The following FYN variants were observed in gnomAD, a reference collection of about 807,000 sequenced individuals.
FYN encodes FYN proto-oncogene, Src family tyrosine kinase, also known as tyrosine-protein kinase Fyn.
A neutral mutation model predicts 70.2 loss-of-function variants in FYN; 10 were observed. The observed-to-expected ratio is 0.14, with a 90% CI of 0.09 to 0.24. The LOEUF is 0.24. Ranked by LOEUF, FYN falls within the 10% of genes least tolerant of loss-of-function variation. The probability of loss-of-function intolerance (pLI) is 1.00; values close to 1 mark genes in which losing one functional copy is unlikely to be tolerated. For missense variants in FYN, 319 were observed against 673.1 expected (o/e 0.47, Z 5.82); for synonymous variants, 236 against 248.6 (o/e 0.95, Z 0.48).
At chr6:111,845,434 T>C (rs940215288) in intron 2 of FYN, among the ~76,000 whole-genome samples, 1 of 152,214 alleles carries the variant, frequency 6.6e-6, no homozygotes. Context: ...CTGGTTTGTA[T>C]GAGCTGAAAA....
At chr6:111,690,589 ACT>A (rs1199182514) in intron 12 of FYN, among the ~76,000 whole-genome samples, 1 of 152,154 alleles carries the variant, frequency 6.6e-6, no homozygotes, top group Non-Finnish European at 1.5e-5. Context: ...CAATCCATTC[ACT>A]CATTTGTTTA....
chr6:111,797,368 G>T (rs1771838392), intron 2 of FYN, among the ~76,000 whole-genome samples: 1 of 151,720 alleles, frequency 6.6e-6, no homozygotes, highest in Non-Finnish European at 1.5e-5. Flanking sequence ...AGGTTTTTTT[G>T]CTTTTAATTT....
At chr6:111,700,982 T>TAA (rs554639957) in intron 8 of FYN, among the ~76,000 whole-genome samples, 2 of 141,836 alleles carry the variant, frequency 1.4e-5, no homozygotes, top group Admixed American at 7.1e-5. Context: ...TATTTTCCAT[T>TAA]AAAAAAAAAA....
intron 2 of FYN, among the ~76,000 whole-genome samples, chr6:111,817,602 AC>A (rs1218752951): frequency 2.6e-5 from 4 of 152,202 alleles, no homozygotes; most frequent in South Asian, 4.1e-4. Context: ...TTTCTGGCAA[AC>A]CCTCATGGCC....
At chr6:111,781,781 TCAAA>T (rs914484083) in intron 2 of FYN, among the ~76,000 whole-genome samples, 5 of 152,046 alleles carry the variant, frequency 3.3e-5, no homozygotes, top group Non-Finnish European at 7.4e-5. Context: ...TGCACAGGAG[TCAAA>T]CAGAGTATAC....
intron 2 of FYN, among the ~76,000 whole-genome samples, chr6:111,832,612 TAATTAATATATAA>T (rs1444730814): frequency 6.6e-6 from 1 of 152,148 alleles, no homozygotes; most frequent in South Asian, 2.1e-4. Context: ...ATCATCATTT[TAATTAATATATAA>T]TATTCAATTT....
At chr6:111,690,670 G>C (rs1252363692) in intron 12 of FYN, among the ~76,000 whole-genome samples, 1 of 152,140 alleles carries the variant, frequency 6.6e-6, no homozygotes, top group Non-Finnish European at 1.5e-5. Context: ...CTATGTGCTG[G>C]GTACCCTGTT....
chr6:111,797,431 C>T (rs756630893), intron 2 of FYN, among the ~76,000 whole-genome samples: 50 of 151,702 alleles, frequency 3.3e-4, no homozygotes, highest in Non-Finnish European at 6.6e-4. Flanking sequence ...GTAATCCTTT[C>T]ATGAAGAAAT....
chr6:111,801,597 T>C (rs1771987753), intron 2 of FYN, among the ~76,000 whole-genome samples: 1 of 152,182 alleles, frequency 6.6e-6, no homozygotes, highest in Admixed American at 6.5e-5. Flanking sequence ...CGTCGTTCAC[T>C]CTCAATTCTC....
At chr6:111,735,523 A>G (rs1801670850) in intron 3 of FYN, among the ~76,000 whole-genome samples, 1 of 152,244 alleles carries the variant, frequency 6.6e-6, no homozygotes, top group African/African-American at 2.4e-5. Flanking sequence ...TTTAACCCAG[A>G]TCTGGCTAAA....
chr6:111,698,898 C>T (rs892162531), intron 9 of FYN, among the ~76,000 whole-genome samples: 10 of 152,142 alleles, frequency 6.6e-5, no homozygotes, highest in Non-Finnish European at 2.9e-5. Context: ...TTCTGGCCAA[C>T]ATGGTGAAAC....
chr6:111,831,519 T>C (rs1334737877), intron 2 of FYN, among the ~76,000 whole-genome samples: 2 of 152,200 alleles, frequency 1.3e-5, no homozygotes, highest in African/African-American at 4.8e-5. Flanking sequence ...ATCTGTAATA[T>C]TCAAGGACCT....
rs200683094 is a variant in FYN at position 111,719,842 on chromosome 6, C to T, written c.210G>A (p.Ser70=). 1.6e-4 allele frequency: 258 copies of T among 1,614,146 alleles called. 2 individuals are homozygous for T. In the East Asian group the frequency reaches 4.9e-3, roughly 31 times the overall value. The part of the protein sequence containing the change: ...GLTVFGGVNS[S]SHTGTLRTRG... Reference sequence around the variant, plus strand: ...TCGTACGCAAGGTCCCCGTATGAGACGAAGAGTTCACACCTCCAAAGACGG... The same window carrying T: ...TCGTACGCAAGGTCCCCGTATGAGATGAAGAGTTCACACCTCCAAAGACGG... Residue 70 remains serine (S), a synonymous_variant, in exon 4 of 14, where the codon TCG becomes TCA. Coordinates refer to ENST00000354650, the MANE Select transcript of FYN (RefSeq NM_002037.5).
intron 12 of FYN, among the ~76,000 whole-genome samples, chr6:111,686,262 G>T (rs948578728): frequency 7.2e-5 from 11 of 152,162 alleles, no homozygotes; most frequent in African/African-American, 2.4e-4. Flanking sequence ...AGAGCTTGAA[G>T]CGACAGAATA....
chr6:111,698,525 T>C (rs1022718475), intron 9 of FYN, among the ~76,000 whole-genome samples: 5 of 152,162 alleles, frequency 3.3e-5, no homozygotes, highest in Admixed American at 6.5e-5. Flanking sequence ...TAATGAGTTC[T>C]GAGGAAGGAA....
At chr6:111,837,131 C>A (rs1390460212) in intron 2 of FYN, among the ~76,000 whole-genome samples, 1 of 152,202 alleles carries the variant, frequency 6.6e-6, no homozygotes, top group East Asian at 1.9e-4. Flanking sequence ...ACCATAACGA[C>A]TTCTAAACTT....
At chr6:111,695,313 TC>T (rs1350092554) in intron 10 of FYN, among the ~76,000 whole-genome samples, 1 of 152,154 alleles carries the variant, frequency 6.6e-6, no homozygotes, top group Non-Finnish European at 1.5e-5. Flanking sequence ...GAAAAGACAA[TC>T]TGAAGAATAT....
chr6:111,808,505 T>G (rs905028975), intron 2 of FYN, among the ~76,000 whole-genome samples: 1 of 152,106 alleles, frequency 6.6e-6, no homozygotes, highest in African/African-American at 2.4e-5. Context: ...CCACTGTGGG[T>G]AGATATTCTG....
intron 12 of FYN, among the ~76,000 whole-genome samples, chr6:111,676,807 T>C (rs1433900365): frequency 6.6e-6 from 1 of 152,226 alleles, no homozygotes; most frequent in Non-Finnish European, 1.5e-5. Flanking sequence ...CTTCTTTGAA[T>C]CACTCAACAT....
Sources: gnomAD v4.1 joint callset for allele counts (sites outside exome capture counted in the v4.1 genomes callset) on GRCh38, gnomAD v4.1.1 for gene constraint, MANE v1.5 for transcripts, NCBI Gene and HGNC (gene_info 2026-07-23, HGNC 2026-07-21) for gene names.